The following RAP1GAP variants were observed in gnomAD, a reference collection of about 807,000 sequenced individuals.
RAP1GAP encodes RAP1 GTPase activating protein, also known as rap1 GTPase-activating protein 1.
A neutral mutation model predicts 87.2 loss-of-function variants in RAP1GAP; 35 were observed. The ratio of observed to expected loss-of-function variants is 0.40; its 90% CI spans 0.31 to 0.53. The LOEUF (loss-of-function observed/expected upper bound fraction) is 0.53, where lower values mean the gene tolerates loss of function less well. Ranked by LOEUF, RAP1GAP falls within the 20% of genes least tolerant of loss-of-function variation. RAP1GAP has a pLI of 0.48. For missense variants in RAP1GAP, 734 were observed against 898.9 expected, an observed-to-expected ratio of 0.82 and a Z score of 2.35; for synonymous variants, 375 against 363.9, an observed-to-expected ratio of 1.03 and a Z score of -0.35.
chr1:21,610,300 G>C lies in RAP1GAP; in HGVS notation c.844-25C>G, dbSNP rs374914370. 12 of 1,613,456 alleles carry C rather than the reference G, an allele frequency of 7.4e-6. No individual in the cohort carries two copies. The South Asian group carries it at 1.1e-4, about 15-fold the overall frequency. On this transcript the variant is annotated intron_variant, in intron 13 of 24. Transcript: ENST00000374765. The stretch of plus-strand genomic sequence containing the variant: ...ACTGAGCACAAAGCCACGGGCCTTC[G>C]TGGTCTGGCCAGAGGGGGCCCATGG...
chr1:21,602,990 C>G, intron 18 of RAP1GAP, 77 bp from the exon 19 acceptor site: 6 of 1,081,494 alleles, frequency 5.5e-6, no homozygotes, highest in Non-Finnish European at 6.8e-6. Flanking sequence ...TCTGGGGATC[C>G]TGCTGCCCCA....
chr1:21,608,439 G>T, intron 16 of RAP1GAP, 89 bp from the exon 17 acceptor site: 1 of 1,514,746 alleles, frequency 6.6e-7, no homozygotes, highest in Non-Finnish European at 8.8e-7. Flanking sequence ...CTGAGGCACG[G>T]GCCACCTTCT....
rs376124706 is a variant in RAP1GAP, at chr1:21,651,632, C to T, written c.-148-1836G>A. On this transcript the variant is annotated intron_variant, in intron 1 of 24. Transcript: ENST00000374765. ...GGCGCCACAGCACGACAGCCATGCG[C>T]GCACTGAGGTCAAACGCTCAGCCCC... is the stretch of plus-strand genomic sequence containing the variant. 7.5e-6 allele frequency: 6 copies of T among 800,966 alleles called. No individual in the cohort carries two copies. The African/African-American group carries it at 8.7e-5, about 12-fold the overall frequency. 49.6% of individuals were successfully genotyped at this position (800,966 alleles called of 1,614,324 possible). A position where few individuals can be genotyped will look rare whatever the true frequency, so the allele number is the denominator to read the frequency against.
chr1:21,613,973 C>CTGCT lies in RAP1GAP; in HGVS notation c.395+12_395+13insAGCA. 1 of 1,577,290 alleles carries CTGCT rather than the reference C, an allele frequency of 6.3e-7. No individual in the cohort carries two copies. Among genetic ancestry groups the CTGCT allele is most frequent in the Non-Finnish European group, 8.7e-7 (1 of 1,150,676 alleles). ...CCCTTCCTGCCATCTCAGGACTCCC[C>CTGCT]CACCACCCTCACCTGAGCAGCAGCC... On this transcript the variant is annotated intron_variant, in intron 8 of 24. Coordinates refer to ENST00000374765, the MANE Select transcript of RAP1GAP (RefSeq NM_002885.4). This position sits in a 1 kb window ranked among gnomAD's most constrained non-coding sequence, Gnocchi z 4.7.
rs1352836344 is a variant in RAP1GAP at position 21,601,796 on chromosome 1, C to T, written c.1540G>A (p.Glu514Lys). The change falls in exon 20 of 25, where the codon GAG becomes AAG. Residue 514 changes from glutamate to lysine, a missense_variant and splice_region_variant. Physicochemically the swap from Glu to Lys is moderately conservative, Grantham distance 56. Transcript: ENST00000374765. Reference protein sequence around the residue: ...ENIQEVQEKRESPPAGQKTPD... With the variant: ...ENIQEVQEKRKSPPAGQKTPD... ...GTCTTCTGACCAGCCGGAGGGCTCTCCCTGCGGGGCACACGGGGGCAGCGG... is the reference window on the plus strand; with the variant it reads ...GTCTTCTGACCAGCCGGAGGGCTCTTCCTGCGGGGCACACGGGGGCAGCGG... 4 of 1,599,832 alleles carry T rather than the reference C, an allele frequency of 2.5e-6. No individual in the cohort carries two copies. The highest frequency in any genetic ancestry group is 3.4e-6 in the Non-Finnish European group (4 of 1,172,928).
At chr1:21,652,002 G>A in intron 1 of RAP1GAP, 4 of 321,598 alleles carry the variant, frequency 1.2e-5, no homozygotes, top group Non-Finnish European at 1.8e-5. Flanking sequence ...CCGCTTGTTC[G>A]CGCCGCCCTG....
chr1:21,654,408 C>G (rs1435222992), intron 1 of RAP1GAP, among the ~76,000 whole-genome samples: 1 of 152,230 alleles, frequency 6.6e-6, no homozygotes, highest in Non-Finnish European at 1.5e-5. Flanking sequence ...GTTTTTTCAT[C>G]TGCAAGATGG....
At position 21,610,144 on chromosome 1, in the gene RAP1GAP, C is replaced by T. The variant is rs368247421; in HGVS notation, c.975G>A (p.Gly325=). The change falls in exon 14 of 25, where the codon GGG becomes GGA. Residue 325 remains glycine (G), a synonymous_variant. Coordinates refer to ENST00000374765, the MANE Select transcript of RAP1GAP (RefSeq NM_002885.4). ...CCTTGTAGAGGGGGCCATCAGGGCC[C>T]CCGCCCTCAGCCTGCACCACGACGT... is the stretch of plus-strand genomic sequence containing the variant. ...HAYVVVQAEG[G]GPDGPLYKVS... 288 of 1,613,928 alleles carry T rather than the reference C, an allele frequency of 1.8e-4. 1 individual carries two copies. Among genetic ancestry groups the T allele is most frequent in the Middle Eastern group, 9.9e-4 (6 of 6,084 alleles).
chr1:21,662,113 C>T (rs2097174448), intron 1 of RAP1GAP, among the ~76,000 whole-genome samples: 1 of 152,208 alleles, frequency 6.6e-6, no homozygotes, highest in Admixed American at 6.5e-5. Flanking sequence ...GGGTGCAGCC[C>T]CAGAGCCACG....
At chr1:21,630,597 A>C (rs1337842451) in intron 2 of RAP1GAP, among the ~76,000 whole-genome samples, 1 of 149,632 alleles carries the variant, frequency 6.7e-6, no homozygotes, top group East Asian at 2.0e-4. Context: ...CTGTCACCCA[A>C]GCTGGAGTGC....
intron 1 of RAP1GAP, among the ~76,000 whole-genome samples, chr1:21,651,120 T>G (rs1173552358): frequency 1.3e-5 from 2 of 152,068 alleles, no homozygotes; most frequent in East Asian, 3.9e-4. Flanking sequence ...CCATCCCACC[T>G]CTGCACCCCT....
At chr1:21,621,868 T>C (rs941303222) in intron 3 of RAP1GAP, among the ~76,000 whole-genome samples, 1 of 152,146 alleles carries the variant, frequency 6.6e-6, no homozygotes, top group African/African-American at 2.4e-5. Flanking sequence ...CACTGACACA[T>C]GGTCCTGTCA....
intron 1 of RAP1GAP, among the ~76,000 whole-genome samples, chr1:21,663,079 C>T (rs1371136115): frequency 6.6e-6 from 1 of 152,180 alleles, no homozygotes; most frequent in African/African-American, 2.4e-5. Flanking sequence ...AGGACCCAGG[C>T]TTCTCTGCCC....
Position 21,601,943 on chromosome 1 carries a change from G to C in RAP1GAP, c.1539-146C>G, listed in dbSNP as rs974088058. The C allele has an allele frequency of 9.0e-6, 5 of 557,126 alleles. No homozygotes were observed. The African/African-American group carries it at 9.4e-5, about 10-fold the overall frequency. 34.5% of individuals were successfully genotyped at this position (557,126 alleles called of 1,614,324 possible). A position where few individuals can be genotyped will look rare whatever the true frequency, so the allele number is the denominator to read the frequency against. ...TCAGGGCCAGCCCTGGAGCAGTCTT[G>C]TGGGCTCCCTGGCTAGCCTGGCCAG... On this transcript the variant is annotated intron_variant, in intron 19 of 24. Transcript: ENST00000374765.
intron 1 of RAP1GAP, among the ~76,000 whole-genome samples, chr1:21,660,345 A>ATATATATATATATATATATT: frequency 7.6e-5 from 7 of 92,634 alleles, no homozygotes; most frequent in African/African-American, 2.3e-4. Context: ...TCAGCTATAT[A>ATATATATATATATATATATT]TATTTATTGA....
At chr1:21,657,400 G>A (rs115345948) in intron 1 of RAP1GAP, among the ~76,000 whole-genome samples, 2 of 152,234 alleles carry the variant, frequency 1.3e-5, no homozygotes, top group Non-Finnish European at 1.5e-5. Flanking sequence ...CATTATTTAT[G>A]TTCATACAAT....
At position 21,609,769 on chromosome 1, in the gene RAP1GAP, G is replaced by T; in HGVS notation, c.1000-123C>A. 1 of 720,844 alleles carries T rather than the reference G, an allele frequency of 1.4e-6. No homozygotes were observed. The highest frequency in any genetic ancestry group is 2.2e-6 in the Non-Finnish European group (1 of 449,776). 44.7% of individuals were successfully genotyped at this position (720,844 alleles called of 1,614,324 possible). A position where few individuals can be genotyped will look rare whatever the true frequency, so the allele number is the denominator to read the frequency against. On this transcript the variant is annotated intron_variant, in intron 14 of 24. Coordinates refer to ENST00000374765, the MANE Select transcript of RAP1GAP (RefSeq NM_002885.4). The surrounding 1 kb of genome is among the most constrained non-coding windows in gnomAD (Gnocchi z 4.4). ...GGTCGGGGAGACCCAGTGACTGTGG[G>T]CTGGATGAATCTTTCTTCCAGAGAT...
chr1:21,634,136 CT>C lies in RAP1GAP; in HGVS notation c.-112-7740del, dbSNP rs1248071573. Among the ~76,000 whole-genome samples, 94 of 152,098 alleles carry C rather than the reference CT, an allele frequency of 6.2e-4. No homozygotes were observed. The highest frequency in any genetic ancestry group is 2.1e-3 in the African/African-American group (89 of 41,476). ...GCACTGCCCTCCCCTTGGCTTGCCC[CT>C]GTCCCTGCCAAAGTGCCAGGGAAGG... is the stretch of plus-strand genomic sequence containing the variant. On this transcript the variant is annotated intron_variant, in intron 2 of 24. Transcript: ENST00000374765. This position sits in a 1 kb window ranked among gnomAD's most constrained non-coding sequence, Gnocchi z 4.1.
chr1:21,654,868 C>T (rs4654763), intron 1 of RAP1GAP, among the ~76,000 whole-genome samples: 29,292 of 151,774 alleles, frequency 0.19, 2,938 homozygotes, highest in South Asian at 0.23. Flanking sequence ...AGGCTAGGCA[C>T]GGTGGCTCAC....
Sources: allele counts gnomAD v4.1 joint callset (sites outside exome capture counted in the v4.1 genomes callset), GRCh38; gene constraint gnomAD v4.1.1; non-coding constraint Gnocchi (gnomAD v3.1); transcripts MANE v1.5; gene names NCBI Gene and HGNC (gene_info 2026-07-23, HGNC 2026-07-21).